The following KLHL32 variants were observed in gnomAD, a reference collection of about 807,000 sequenced individuals.
KLHL32 encodes the protein kelch-like protein 32.
In KLHL32, 35 loss-of-function variants were observed where a neutral mutation model predicts 64.8. The observed-to-expected ratio is 0.54, with a 90% confidence interval of 0.41 to 0.72. KLHL32 has a LOEUF of 0.72. KLHL32 is among the 30% of genes least tolerant of loss of function. The pLI is 0.00. For synonymous variants in KLHL32, 259 were observed against 281.0 expected, an observed-to-expected ratio of 0.92 and a Z score of 0.78; for missense variants, 589 against 768.5, an observed-to-expected ratio of 0.77 and a Z score of 2.76.
At chr6:96,948,635 A>C (rs1372439521) in intron 1 of KLHL32, among the ~76,000 whole-genome samples, 3 of 152,180 alleles carry the variant, frequency 2.0e-5, no homozygotes, top group Non-Finnish European at 2.9e-5. Context: ...GGGTAATAAT[A>C]TCTTGGTTAG....
At chr6:97,056,198 C>T (rs530084011) in intron 4 of KLHL32, among the ~76,000 whole-genome samples, 501 of 150,598 alleles carry the variant, frequency 3.3e-3, no homozygotes, top group Non-Finnish European at 5.0e-3. Context: ...CTCCGCTTCC[C>T]GGGTTCACGC....
intron 3 of KLHL32, among the ~76,000 whole-genome samples, chr6:96,988,896 T>C (rs1777480799): frequency 6.6e-6 from 1 of 152,066 alleles, no homozygotes; most frequent in Non-Finnish European, 1.5e-5. Context: ...CAGGTGGGAA[T>C]TGAACAATGA....
At chr6:97,123,803 A>AG (rs1178958781) in intron 7 of KLHL32, among the ~76,000 whole-genome samples, 1 of 152,210 alleles carries the variant, frequency 6.6e-6, no homozygotes, top group Non-Finnish European at 1.5e-5. Flanking sequence ...ACAGTATAGC[A>AG]GCATGTGGCA....
At chr6:97,075,788 A>C (rs1791508995) in intron 5 of KLHL32, among the ~76,000 whole-genome samples, 1 of 152,208 alleles carries the variant, frequency 6.6e-6, no homozygotes, top group African/African-American at 2.4e-5. Flanking sequence ...AGGTGGAATC[A>C]CAACTGGGTA....
chr6:97,080,214 C>A (rs1485997823), intron 5 of KLHL32, among the ~76,000 whole-genome samples: 1 of 152,030 alleles, frequency 6.6e-6, no homozygotes, highest in South Asian at 2.1e-4. Flanking sequence ...ACAGGATGAC[C>A]ACTGGCTTTG....
At chr6:96,941,871 T>G (rs1319966679) in intron 1 of KLHL32, among the ~76,000 whole-genome samples, 1 of 152,188 alleles carries the variant, frequency 6.6e-6, no homozygotes, top group African/African-American at 2.4e-5. Context: ...GTAATTGGGA[T>G]GAGGGGTCAG....
intron 3 of KLHL32, chr6:97,025,147 A>G: frequency 7.2e-6 from 7 of 978,328 alleles, no homozygotes; most frequent in Non-Finnish European, 7.3e-6. Flanking sequence ...AGCCTGATGA[A>G]TTGGTATAAA....
chr6:97,113,749 G>A (rs534052346), intron 6 of KLHL32, 34 bp from the exon 7 acceptor site: 2 of 1,594,600 alleles, frequency 1.3e-6, no homozygotes, highest in South Asian at 2.2e-5. Flanking sequence ...TCTTACCTTT[G>A]TGTCTCCTCT....
At chr6:96,986,713 C>T (rs970341551) in intron 3 of KLHL32, among the ~76,000 whole-genome samples, 6 of 152,208 alleles carry the variant, frequency 3.9e-5, no homozygotes, top group African/African-American at 7.2e-5. Context: ...TTGCTAAGAC[C>T]GTTGGAAAAG....
At chr6:96,960,745 G>A (rs961852695) in intron 1 of KLHL32, among the ~76,000 whole-genome samples, 1 of 152,174 alleles carries the variant, frequency 6.6e-6, no homozygotes, top group African/African-American at 2.4e-5. Flanking sequence ...GAGACATAAG[G>A]CATCAGTCAA....
chr6:97,123,292 G>A (rs965940138), intron 7 of KLHL32, among the ~76,000 whole-genome samples: 1 of 152,164 alleles, frequency 6.6e-6, no homozygotes, highest in African/African-American at 2.4e-5. Flanking sequence ...GACAAAGGTT[G>A]CTTGTTTGGC....
intron 4 of KLHL32, among the ~76,000 whole-genome samples, chr6:97,055,927 T>G (rs1211055634): frequency 6.6e-6 from 1 of 151,664 alleles, no homozygotes; most frequent in Admixed American, 6.6e-5. Flanking sequence ...TTCCTCACTT[T>G]CACTCATTTA....
chr6:96,972,522 A>G (rs1004965441), intron 2 of KLHL32, among the ~76,000 whole-genome samples: 1 of 152,138 alleles, frequency 6.6e-6, no homozygotes, highest in African/African-American at 2.4e-5. Context: ...TGCATTGGGG[A>G]AGCCAGGACA....
chr6:97,066,994 T>C (rs1789865641), intron 5 of KLHL32, among the ~76,000 whole-genome samples: 1 of 152,034 alleles, frequency 6.6e-6, no homozygotes, highest in African/African-American at 2.4e-5. Flanking sequence ...CAACTAGGAG[T>C]TTTTGAAACC....
chr6:96,918,865 G>A, the KLHL32 span, among the ~76,000 whole-genome samples: 2 of 152,158 alleles, frequency 1.3e-5, no homozygotes, highest in Non-Finnish European at 2.9e-5. Flanking sequence ...ATATTAAAAG[G>A]AAGTAATAAA....
At chr6:97,028,217 T>C (rs1783019006) in intron 3 of KLHL32, among the ~76,000 whole-genome samples, 1 of 152,042 alleles carries the variant, frequency 6.6e-6, no homozygotes, top group African/African-American at 2.4e-5. Flanking sequence ...GGAGCCGAGA[T>C]TCTATATTTC....
chr6:96,964,066 G>T (rs1350532514), intron 1 of KLHL32, among the ~76,000 whole-genome samples: 1 of 152,236 alleles, frequency 6.6e-6, no homozygotes, highest in Non-Finnish European at 1.5e-5. Flanking sequence ...TGTGTGAGCA[G>T]CCCTAAATGC....
chr6:96,977,366 C>T (rs1382794013), intron 3 of KLHL32, among the ~76,000 whole-genome samples: 1 of 152,192 alleles, frequency 6.6e-6, no homozygotes. Flanking sequence ...GTGTGATAGT[C>T]TGCTTCATAT....
chr6:97,101,157 TG>T (rs1425578930), intron 6 of KLHL32, among the ~76,000 whole-genome samples: 1 of 152,030 alleles, frequency 6.6e-6, no homozygotes, highest in East Asian at 1.9e-4. Context: ...AAAGGCCTAA[TG>T]CTCTCAGGAT....
Sources: gnomAD v4.1 joint callset for allele counts (sites outside exome capture counted in the v4.1 genomes callset) on GRCh38, gnomAD v4.1.1 for gene constraint, MANE v1.5 for transcripts, NCBI Gene and HGNC (gene_info 2026-07-23, HGNC 2026-07-21) for gene names.